The following REDIC1 variants were observed in gnomAD, a reference collection of about 807,000 sequenced individuals.
REDIC1 encodes the protein HEI10 Interacting Protein 1.
chr12:39,763,463 A>T, the REDIC1 span, among the ~76,000 whole-genome samples: 1 of 152,234 alleles, frequency 6.6e-6, no homozygotes, highest in East Asian at 1.9e-4. Flanking sequence ...TTTGGTGCTT[A>T]TCAGGTGAAC....
the REDIC1 span, among the ~76,000 whole-genome samples, chr12:39,751,743 T>G: frequency 6.6e-6 from 1 of 152,166 alleles, no homozygotes; most frequent in African/African-American, 2.4e-5. Context: ...TGAGTTCATG[T>G]CCTTTGTAGG....
At chr12:39,875,999 C>T in the REDIC1 span, among the ~76,000 whole-genome samples, 1 of 152,174 alleles carries the variant, frequency 6.6e-6, no homozygotes, top group South Asian at 2.1e-4. Flanking sequence ...AAAAGGCTTT[C>T]TTTCCTTTTT....
the REDIC1 span, among the ~76,000 whole-genome samples, chr12:39,723,424 A>C: frequency 7.2e-5 from 11 of 152,170 alleles, no homozygotes; most frequent in Admixed American, 4.6e-4. Flanking sequence ...AAATATATTC[A>C]GAGTGGAAAG....
the REDIC1 span, among the ~76,000 whole-genome samples, chr12:39,778,365 C>T: frequency 6.6e-6 from 1 of 152,110 alleles, no homozygotes; most frequent in Non-Finnish European, 1.5e-5. Context: ...CAACTTATTG[C>T]CAGCTCTTGG....
chr12:39,842,718 A>G, the REDIC1 span, among the ~76,000 whole-genome samples: 1 of 152,044 alleles, frequency 6.6e-6, no homozygotes, highest in Non-Finnish European at 1.5e-5. Flanking sequence ...AAGCATCACC[A>G]CTATCCAATT....
chr12:39,904,054 T>C, the REDIC1 span, among the ~76,000 whole-genome samples: 58 of 152,280 alleles, frequency 3.8e-4, no homozygotes, highest in African/African-American at 1.3e-3. Context: ...TTACTGATTA[T>C]ACACAGGAAA....
At chr12:39,848,742 T>A in the REDIC1 span, among the ~76,000 whole-genome samples, 1 of 152,134 alleles carries the variant, frequency 6.6e-6, no homozygotes, top group Non-Finnish European at 1.5e-5. Flanking sequence ...TGTACCACTA[T>A]CCACAATAGC....
At chr12:39,877,478 A>G in the REDIC1 span, among the ~76,000 whole-genome samples, 9 of 152,196 alleles carry the variant, frequency 5.9e-5, no homozygotes, top group Non-Finnish European at 1.2e-4. Context: ...TCAAGAGGTG[A>G]TTTGGGTGGG....
the REDIC1 span, among the ~76,000 whole-genome samples, chr12:39,699,452 G>A: frequency 0.011 from 1,657 of 151,860 alleles, 24 homozygotes; most frequent in African/African-American, 0.038. Context: ...AGGGTCCTAC[G>A]CCCAGGGAGT....
chr12:39,647,911 A>C, the REDIC1 span: 4 of 1,607,696 alleles, frequency 2.5e-6, no homozygotes. Context: ...TTTCAAAACT[A>C]AATTTCACAT....
At chr12:39,704,562 C>T in the REDIC1 span, among the ~76,000 whole-genome samples, 1 of 152,112 alleles carries the variant, frequency 6.6e-6, no homozygotes, top group South Asian at 2.1e-4. Flanking sequence ...CCCAGCCATC[C>T]CATTACTGGG....
At chr12:39,861,384 T>C in the REDIC1 span, among the ~76,000 whole-genome samples, 5 of 152,196 alleles carry the variant, frequency 3.3e-5, no homozygotes, top group Admixed American at 3.3e-4. Context: ...AATAAGTGAA[T>C]AAGATAAAAA....
the REDIC1 span, among the ~76,000 whole-genome samples, chr12:39,811,818 G>A: frequency 6.6e-6 from 1 of 152,040 alleles, no homozygotes. Flanking sequence ...CAGTATGTCT[G>A]TTTCCATCCC....
the REDIC1 span, among the ~76,000 whole-genome samples, chr12:39,866,589 C>A: frequency 2.0e-5 from 3 of 152,104 alleles, no homozygotes; most frequent in Admixed American, 6.5e-5. Context: ...ACGCCATTCT[C>A]CTGCCTCAGC....
the REDIC1 span, among the ~76,000 whole-genome samples, chr12:39,633,773 C>T: frequency 2.0e-5 from 3 of 152,098 alleles, no homozygotes; most frequent in Non-Finnish European, 2.9e-5. Context: ...GTGGTCTGTC[C>T]TTGACGGAAC....
the REDIC1 span, among the ~76,000 whole-genome samples, chr12:39,727,244 G>A: frequency 6.6e-6 from 1 of 152,122 alleles, no homozygotes; most frequent in Non-Finnish European, 1.5e-5. Context: ...GTCCTGAATG[G>A]TATTGCCTAG....
chr12:39,898,140 A>T, the REDIC1 span, among the ~76,000 whole-genome samples: 1 of 152,186 alleles, frequency 6.6e-6, no homozygotes, highest in Non-Finnish European at 1.5e-5. Context: ...ATACATGTAC[A>T]GCTTTCCATT....
the REDIC1 span, chr12:39,682,521 C>G: frequency 1.1e-6 from 1 of 905,536 alleles, no homozygotes; most frequent in Non-Finnish European, 1.6e-6. Flanking sequence ...AGTAGCAACT[C>G]AATATGTCCT....
At chr12:39,775,376 A>T in the REDIC1 span, among the ~76,000 whole-genome samples, 1 of 152,228 alleles carries the variant, frequency 6.6e-6, no homozygotes. Flanking sequence ...AATCCAGGAC[A>T]TGAGGATGTG....
Sources: gnomAD v4.1 joint callset for allele counts (sites outside exome capture counted in the v4.1 genomes callset) on GRCh38, gnomAD v4.1.1 for gene constraint, MANE v1.5 for transcripts, NCBI Gene and HGNC (gene_info 2026-07-23, HGNC 2026-07-21) for gene names.